The following MYH9 variants were observed in gnomAD, a reference collection of about 807,000 sequenced individuals.
The protein encoded by MYH9 is myosin heavy chain 9, also known as myosin-9.
A neutral mutation model predicts 241.9 loss-of-function variants in MYH9; 29 were observed. The ratio of observed to expected loss-of-function variants is 0.12; its 90% confidence interval spans 0.09 to 0.16. MYH9 has a LOEUF of 0.16. MYH9 is among the 10% of genes least tolerant of loss of function. MYH9 has a pLI of 1.00. For synonymous variants in MYH9, 1,047 were observed against 1,062.6 expected, an observed-to-expected ratio of 0.99 and a Z score of 0.29; for missense variants, 1,803 against 2,595.5, an observed-to-expected ratio of 0.69 and a Z score of 6.63.
intron 31 of MYH9, among the ~76,000 whole-genome samples, chr22:36,290,233 T>C (rs1380044709): frequency 6.7e-6 from 1 of 150,104 alleles, no homozygotes; most frequent in East Asian, 2.0e-4. Flanking sequence ...GTGGTGGTGG[T>C]GCACGCCTGT....
chr22:36,316,907 G>A (rs1248647907), intron 11 of MYH9, among the ~76,000 whole-genome samples: 3 of 152,126 alleles, frequency 2.0e-5, no homozygotes, highest in Non-Finnish European at 4.4e-5. Flanking sequence ...TAGATCTTTT[G>A]AAATAAAATG....
At chr22:36,371,905 G>A (rs912588988) in intron 1 of MYH9, among the ~76,000 whole-genome samples, 3 of 151,810 alleles carry the variant, frequency 2.0e-5, no homozygotes, top group Middle Eastern at 3.2e-3. Context: ...TTACTGTCTT[G>A]ACTTTCCTAG....
chr22:36,351,678 C>CT (rs1291252163), intron 1 of MYH9, among the ~76,000 whole-genome samples: 1 of 152,162 alleles, frequency 6.6e-6, no homozygotes, highest in Non-Finnish European at 1.5e-5. Context: ...CGCCCCTGCC[C>CT]TGCTCAAGAC....
intron 3 of MYH9, among the ~76,000 whole-genome samples, chr22:36,337,827 C>T (rs965860244): frequency 1.3e-5 from 2 of 152,104 alleles, no homozygotes; most frequent in Non-Finnish European, 2.9e-5. Flanking sequence ...TGACACATGA[C>T]CCAGGGCAAG....
chr22:36,330,197 CA>C lies in MYH9; in HGVS notation c.491-2710del, dbSNP rs2017400575. 6.6e-6 allele frequency among the ~76,000 whole-genome samples: 1 copy of C among 152,246 alleles called. No homozygotes were observed. The highest frequency in any genetic ancestry group is 2.4e-5 in the African/African-American group (1 of 41,466). The stretch of plus-strand genomic sequence containing the variant: ...CCTGAAGCCAATTTACCACTGTCAA[CA>C]CAGCCTAACCATACCTTAAAGAAAT... On this transcript the variant is annotated intron_variant, in intron 3 of 40. Transcript: ENST00000216181. This position sits in a 1 kb window ranked among gnomAD's most constrained non-coding sequence, Gnocchi z 4.5.
intron 12 of MYH9, among the ~76,000 whole-genome samples, chr22:36,315,957 A>G (rs2017143446): frequency 6.6e-6 from 1 of 151,740 alleles, no homozygotes; most frequent in South Asian, 2.1e-4. Flanking sequence ...AGGATCAGTT[A>G]AGCCCAGGAG....
In MYH9 at chr22:36,289,290, G is replaced by C. The variant is rs759107183; in HGVS notation, c.4352C>G (p.Ala1451Gly). Residue 1451 changes from alanine to glycine, a missense_variant, in exon 32 of 41, where the codon GCG (alanine) becomes GGG (glycine). This residue lies in a region of MYH9 where 876 missense variants were observed against 1,077.8 expected (regional missense o/e 0.81). Transcript: ENST00000216181. ...CTTGGCAGAGATGGTCTTCTCCTCC[G>C]CCAGGAGCTGGGAAAGAGGTGGGCA... ...KKQKKFDQLL[A>G]EEKTISAKYA... 5 of 1,608,744 alleles carry C rather than the reference G, an allele frequency of 3.1e-6. No homozygotes were observed. The highest frequency in any genetic ancestry group is 4.2e-6 in the Non-Finnish European group (5 of 1,178,608).
chr22:36,342,191 C>T (rs1402075985), intron 2 of MYH9, among the ~76,000 whole-genome samples: 1 of 152,218 alleles, frequency 6.6e-6, no homozygotes, highest in Non-Finnish European at 1.5e-5. Context: ...AATTAATCAA[C>T]ATCCTTAATG....
At position 36,302,676 on chromosome 22, in the gene MYH9, TC is replaced by T. The variant is rs1569535270; in HGVS notation, c.2391-1del. ...GCTGCTGCTGCCGCTTGGCAAATGC[TC>T]TGTGTGGTGAGGAACATGGTCAGCG... On this transcript the variant is annotated splice_acceptor_variant, in intron 19 of 40. Transcript: ENST00000216181. LOFTEE classifies it high-confidence loss of function. The T allele has an allele frequency of 6.2e-7, 1 of 1,612,958 alleles. No individual in the cohort carries two copies.
At position 36,300,735 on chromosome 22, in the gene MYH9, G is replaced by T. The variant is rs989191943; in HGVS notation, c.2838+116C>A. Reference sequence around the variant, plus strand: ...TCACTGAGAGCCCCAAGCAGATTGCGTGAGGAGCAGCCTCCTTGGACCCTA... The same window carrying T: ...TCACTGAGAGCCCCAAGCAGATTGCTTGAGGAGCAGCCTCCTTGGACCCTA... On this transcript the variant is annotated intron_variant, in intron 22 of 40. Coordinates refer to ENST00000216181, the MANE Select transcript of MYH9 (RefSeq NM_002473.6). The surrounding 1 kb of genome is among the most constrained non-coding windows in gnomAD (Gnocchi z 5.0). The T allele has an allele frequency of 8.5e-7, 1 of 1,181,426 alleles. No individual in the cohort carries two copies. Among genetic ancestry groups the T allele is most frequent in the Non-Finnish European group, 1.2e-6 (1 of 817,414 alleles). The allele number at this position is 1,181,426 out of a possible 1,614,324, so 73.2% of individuals were successfully genotyped here. A position where few individuals can be genotyped will look rare whatever the true frequency, so the allele number is the denominator to read the frequency against.
intron 1 of MYH9, among the ~76,000 whole-genome samples, chr22:36,353,048 C>T (rs1213344018): frequency 1.3e-5 from 2 of 152,086 alleles, no homozygotes; most frequent in African/African-American, 4.8e-5. Flanking sequence ...TGATGGGGAG[C>T]CACAGGGCTG....
At chr22:36,286,603 C>G in intron 35 of MYH9, 115 bp downstream of exon 35, 1 of 1,478,180 alleles carries the variant, frequency 6.8e-7, no homozygotes, top group Non-Finnish European at 9.3e-7. Context: ...AGAGCCATCC[C>G]CAGCCAATTC....
In MYH9 at chr22:36,312,207, T is replaced by C. The variant is rs1222055540; in HGVS notation, c.1570A>G (p.Ile524Val). 5 of 1,613,968 alleles carry C rather than the reference T, an allele frequency of 3.1e-6. No individual in the cohort carries two copies. Among genetic ancestry groups the C allele is most frequent in the Non-Finnish European group, 4.2e-6 (5 of 1,180,018 alleles). The change falls in exon 14 of 41, where the codon ATT becomes GTT. Residue 524 changes from isoleucine to valine, a missense_variant. Ile to Val is a conservative substitution (Grantham distance 29). Around this residue, in one of 11 missense-constraint regions of MYH9, gnomAD observed 163 missense variants for 349.7 expected, o/e 0.47. Transcript: ENST00000216181. ...CACTCCTCGTCCAGCAGGGCCAGAA[T>C]GCCCGGGGGGCCTGCCTGGAGGAAG... Reference protein sequence around the residue: ...LIEKPAGPPGILALLDEECWF... With the variant: ...LIEKPAGPPGVLALLDEECWF...
At chr22:36,351,152 A>G (rs1029113527) in intron 1 of MYH9, among the ~76,000 whole-genome samples, 4 of 152,090 alleles carry the variant, frequency 2.6e-5, no homozygotes, top group African/African-American at 7.2e-5. Flanking sequence ...GCTCCCCTGG[A>G]CTCACTCCAG....
At chr22:36,334,449 CA>C (rs2146377492) in intron 3 of MYH9, among the ~76,000 whole-genome samples, 1 of 152,360 alleles carries the variant, frequency 6.6e-6, no homozygotes, top group Admixed American at 6.5e-5. Flanking sequence ...CCACTGAGGC[CA>C]CATCAGCCCC....
chr22:36,288,429 TCAA>T lies in MYH9; in HGVS notation c.4771-19_4771-17del, dbSNP rs1269874587. 6.2e-7 allele frequency: 1 copy of T among 1,606,346 alleles called. No individual in the cohort carries two copies. The highest frequency in any genetic ancestry group is 1.3e-5 in the African/African-American group (1 of 74,864). On this transcript the variant is annotated splice_polypyrimidine_tract_variant and intron_variant, in intron 33 of 40. Coordinates refer to ENST00000216181, the MANE Select transcript of MYH9 (RefSeq NM_002473.6). The surrounding 1 kb of genome is among the most constrained non-coding windows in gnomAD (Gnocchi z 4.8). ...TCTCCCGCACCTGGGGGAAGGAACA[TCAA>T]CAACTTGGGAAGCTGGACCCACTGG...
In MYH9 at chr22:36,295,576, C is replaced by T. The variant is rs1259497674; in HGVS notation, c.3414G>A (p.Gly1138=). The change falls in exon 26 of 41, where the codon GGG becomes GGA. Residue 1138 remains glycine (G), a synonymous_variant. Coordinates refer to ENST00000216181, the MANE Select transcript of MYH9 (RefSeq NM_002473.6). This position sits in a 1 kb window ranked among gnomAD's most constrained non-coding sequence, Gnocchi z 4.1. ...NKAEKQKRDL[G]EELEALKTEL... ...CTGTTTTCAGAGCCTCTAGCTCTTC[C>T]CCAAGGTCCCGTTTCTGCTTCTCAG... is the stretch of plus-strand genomic sequence containing the variant. 4 of 1,613,868 alleles carry T rather than the reference C, an allele frequency of 2.5e-6. No homozygotes were observed. The highest frequency in any genetic ancestry group is 3.4e-6 in the Non-Finnish European group (4 of 1,180,036).
In MYH9 at chr22:36,321,762, C is replaced by T. The variant is rs2017255155; in HGVS notation, c.765G>A (p.Glu255=). Reference sequence around the variant, plus strand: ...CCCAACGAACCACAAGGATACAAGTCTCAATGTTGGCTCCAACAATGTAGC... The same window carrying T: ...CCCAACGAACCACAAGGATACAAGTTTCAATGTTGGCTCCAACAATGTAGC... The part of the protein sequence containing the change: ...VNGYIVGANI[E]TYLLEKSRAI... The change falls in exon 7 of 41, where the codon GAG becomes GAA. Residue 255 remains glutamate (E), a synonymous_variant. Coordinates refer to ENST00000216181, the MANE Select transcript of MYH9 (RefSeq NM_002473.6). The T allele has an allele frequency of 3.7e-6, 6 of 1,613,906 alleles. No individual in the cohort carries two copies. In the South Asian group the frequency reaches 5.5e-5, roughly 15 times the overall value.
Position 36,293,878 on chromosome 22 carries a change from G to A in MYH9, c.3838-15C>T. The A allele has an allele frequency of 6.2e-7, 1 of 1,608,934 alleles. No homozygotes were observed. The highest frequency in any genetic ancestry group is 1.1e-5 in the South Asian group (1 of 90,458). ...TCCAGCTCCACCTGCACCGGGCGGGGAGACACAAAGGACCATGGACCCACC... is the reference window on the plus strand; with the variant it reads ...TCCAGCTCCACCTGCACCGGGCGGGAAGACACAAAGGACCATGGACCCACC... On this transcript the variant is annotated splice_polypyrimidine_tract_variant and intron_variant, in intron 28 of 40. Coordinates refer to ENST00000216181, the MANE Select transcript of MYH9 (RefSeq NM_002473.6). The surrounding 1 kb of genome is among the most constrained non-coding windows in gnomAD (Gnocchi z 5.1).
Sources: allele counts gnomAD v4.1 joint callset (sites outside exome capture counted in the v4.1 genomes callset), GRCh38; gene constraint gnomAD v4.1.1; regional missense constraint gnomAD v4.1.1; non-coding constraint Gnocchi (gnomAD v3.1); transcripts MANE v1.5; gene names NCBI Gene and HGNC (gene_info 2026-07-23, HGNC 2026-07-21).